The following MYO3A variants were observed in gnomAD, a reference collection of about 807,000 sequenced individuals.
MYO3A encodes myosin-IIIa.
Under a neutral mutation model 192.7 loss-of-function variants are expected in MYO3A, and 180 were observed. That is an observed-to-expected ratio of 0.93 (90% CI 0.83 to 1.06). The LOEUF (loss-of-function observed/expected upper bound fraction) is 1.06. Ranked by LOEUF, MYO3A falls within the 50% of genes least tolerant of loss-of-function variation. The probability of loss-of-function intolerance (pLI) is 0.00; values close to 1 mark genes in which losing one functional copy is unlikely to be tolerated. For synonymous variants in MYO3A, 628 were observed against 645.3 expected (o/e 0.97, Z 0.41); for missense variants, 1,896 against 1,905.0 (o/e 1.00, Z 0.09).
chr10:25,938,356 G>A (rs1026908372), intron 2 of MYO3A, among the ~76,000 whole-genome samples: 7 of 152,142 alleles, frequency 4.6e-5, no homozygotes, highest in African/African-American at 1.7e-4. Flanking sequence ...CACTGAGAGT[G>A]GTGAGAACAC....
intron 4 of MYO3A, among the ~76,000 whole-genome samples, chr10:25,981,536 A>C (rs183615844): frequency 6.6e-6 from 1 of 152,226 alleles, no homozygotes; most frequent in Non-Finnish European, 1.5e-5. Context: ...CAAAACATCT[A>C]TTATGATAAA....
At chr10:26,202,779 G>A (rs1015654940) in intron 33 of MYO3A, 185 bp from the exon 34 acceptor site, 22 of 613,992 alleles carry the variant, frequency 3.6e-5, no homozygotes, top group Non-Finnish European at 5.4e-5. Context: ...AAGATATGAA[G>A]GTTTTTCTTT....
At position 26,154,077 on chromosome 10, in the gene MYO3A, T is replaced by G; in HGVS notation, c.2715+148T>G. 4.5e-6 allele frequency: 3 copies of G among 667,992 alleles called. No homozygotes were observed. In the South Asian group the frequency reaches 5.3e-5, roughly 12 times the overall value. The allele number at this position is 667,992 out of a possible 1,614,324, so 41.4% of individuals were successfully genotyped here. On this transcript the variant is annotated intron_variant, in intron 24 of 34. Coordinates refer to ENST00000642920, the MANE Select transcript of MYO3A (RefSeq NM_017433.5). The stretch of plus-strand genomic sequence containing the variant: ...TCTGTTTGAACAGATATTTATGTTA[T>G]GTTCTTGTTACTGCTAGGGGCTAAA...
At chr10:25,997,023 T>G (rs1840491034) in intron 5 of MYO3A, 136 bp from the exon 6 acceptor site, 1 of 690,298 alleles carries the variant, frequency 1.4e-6, no homozygotes, top group Non-Finnish European at 2.6e-6. Context: ...TGTGACTAAC[T>G]CAATGTGAAA....
At chr10:26,090,645 C>T (rs1836645608) in intron 15 of MYO3A, among the ~76,000 whole-genome samples, 1 of 152,084 alleles carries the variant, frequency 6.6e-6, no homozygotes, top group Admixed American at 6.6e-5. Context: ...TTTGAGTGAC[C>T]TATGAATATG....
At chr10:26,026,798 T>C (rs545780870) in intron 10 of MYO3A, among the ~76,000 whole-genome samples, 13 of 152,038 alleles carry the variant, frequency 8.6e-5, no homozygotes, top group African/African-American at 2.9e-4. Context: ...ACCTCCCGGG[T>C]TCAAGCGATT....
intron 23 of MYO3A, among the ~76,000 whole-genome samples, chr10:26,150,269 T>C (rs1486383167): frequency 6.6e-6 from 1 of 152,240 alleles, no homozygotes; most frequent in Non-Finnish European, 1.5e-5. Flanking sequence ...CTTGCATCTT[T>C]GTTTATGAGG....
At chr10:26,008,999 C>G (rs1413420819) in intron 6 of MYO3A, among the ~76,000 whole-genome samples, 1 of 151,862 alleles carries the variant, frequency 6.6e-6, no homozygotes, top group Non-Finnish European at 1.5e-5. Context: ...CAATGATAGA[C>G]TGGATTAAGA....
At chr10:26,019,344 C>T (rs1279781716) in intron 7 of MYO3A, among the ~76,000 whole-genome samples, 3 of 152,156 alleles carry the variant, frequency 2.0e-5, no homozygotes, top group South Asian at 2.1e-4. Flanking sequence ...CTGCAAGCTC[C>T]GCTTCCTGGG....
rs1467086746 is a variant in MYO3A, at chr10:26,081,141, C to CT, written c.1360-7062_1360-7061insT. Among the ~76,000 whole-genome samples the CT allele has an allele frequency of 1.4e-4, 14 of 103,148 alleles. 2 individuals are homozygous for CT. The highest frequency in any genetic ancestry group is 1.2e-3 in the Admixed American group (14 of 11,268). 67.7% of individuals were successfully genotyped at this position (103,148 alleles called of 152,430 possible). A position where few individuals can be genotyped will look rare whatever the true frequency, so the allele number is the denominator to read the frequency against. ...CCAAGATTATATGCCCTTCCCCCCC[C>CT]CCCCGCCCCCGCTACCAGGGTGGGT... On this transcript the variant is annotated intron_variant, in intron 14 of 34. Coordinates refer to ENST00000642920, the MANE Select transcript of MYO3A (RefSeq NM_017433.5).
intron 22 of MYO3A, among the ~76,000 whole-genome samples, chr10:26,146,163 C>T (rs904837044): frequency 6.6e-6 from 1 of 152,162 alleles, no homozygotes; most frequent in Admixed American, 6.5e-5. Flanking sequence ...GCAGAGAAAA[C>T]CTCAGATTTG....
intron 18 of MYO3A, among the ~76,000 whole-genome samples, chr10:26,124,590 C>T (rs913965551): frequency 3.9e-5 from 6 of 152,092 alleles, no homozygotes; most frequent in Non-Finnish European, 7.4e-5. Context: ...AACCAAGAAA[C>T]ATCTTGTCAC....
intron 3 of MYO3A, among the ~76,000 whole-genome samples, chr10:25,953,581 G>A (rs1204235643): frequency 1.3e-5 from 2 of 152,052 alleles, no homozygotes; most frequent in African/African-American, 4.8e-5. Flanking sequence ...CAGGTGTGTG[G>A]CAGCAAGAGA....
At chr10:26,059,932 G>A (rs570664861) in intron 10 of MYO3A, among the ~76,000 whole-genome samples, 59 of 152,202 alleles carry the variant, frequency 3.9e-4, no homozygotes, top group African/African-American at 1.3e-3. Context: ...GACCAGCCTG[G>A]CCAAAGTGGT....
chr10:26,107,536 G>A (rs895998854), intron 17 of MYO3A, among the ~76,000 whole-genome samples: 10 of 150,658 alleles, frequency 6.6e-5, no homozygotes, highest in Non-Finnish European at 1.3e-4. Context: ...TGACCCTTGG[G>A]CCTTTTTGAT....
In MYO3A at chr10:25,952,153, C is replaced by T. The variant is rs754917866; in HGVS notation, c.43C>T (p.Pro15Ser). The change falls in exon 3 of 35, where the codon CCT becomes TCT. Residue 15 changes from proline to serine, a missense_variant. By Grantham distance (74) the Pro-to-Ser change is moderately conservative. Transcript: ENST00000642920. ...IGKTIIFDNF[P>S]DPSDTWEITE... ...AAAAACAATCATCTTTGATAACTTTCCTGATCCTTCTGATACATGGGAAAT... is the reference window on the plus strand; with the variant it reads ...AAAAACAATCATCTTTGATAACTTTTCTGATCCTTCTGATACATGGGAAAT... 6.2e-7 allele frequency: 1 copy of T among 1,612,374 alleles called. No homozygotes were observed. The highest frequency in any genetic ancestry group is 8.5e-7 in the Non-Finnish European group (1 of 1,178,850).
intron 32 of MYO3A, among the ~76,000 whole-genome samples, chr10:26,195,302 T>G (rs1843353958): frequency 6.6e-6 from 1 of 152,348 alleles, no homozygotes. Context: ...CAAATATCTC[T>G]TGAGTTTCTG....
intron 23 of MYO3A, among the ~76,000 whole-genome samples, chr10:26,148,502 G>A (rs746181309): frequency 2.3e-4 from 35 of 152,096 alleles, no homozygotes; most frequent in Middle Eastern, 3.2e-3. Context: ...TTCCATATAC[G>A]TTTTAGAATG....
intron 26 of MYO3A, among the ~76,000 whole-genome samples, chr10:26,159,804 T>A (rs1238726783): frequency 6.6e-6 from 1 of 152,158 alleles, no homozygotes; most frequent in Non-Finnish European, 1.5e-5. Context: ...TGTTGGCCAA[T>A]CCTTATAGTA....
Sources: gnomAD v4.1 joint callset for allele counts (sites outside exome capture counted in the v4.1 genomes callset) on GRCh38, gnomAD v4.1.1 for gene constraint, MANE v1.5 for transcripts, NCBI Gene and HGNC (gene_info 2026-07-23, HGNC 2026-07-21) for gene names.